The following WDFY3 variants were observed in gnomAD, a reference collection of about 807,000 sequenced individuals.
WDFY3 encodes WD repeat and FYVE domain containing 3.
A neutral mutation model predicts 409.6 loss-of-function variants in WDFY3; 66 were observed. The observed-to-expected ratio is 0.16, with a 90% CI of 0.13 to 0.20. WDFY3 has a LOEUF of 0.20. Ranked by LOEUF, WDFY3 falls within the 10% of genes least tolerant of loss-of-function variation. The pLI is 1.00. For missense variants in WDFY3, 3,031 were observed against 4,298.1 expected (o/e 0.71, Z 8.24); for synonymous variants, 1,521 against 1,537.1 (o/e 0.99, Z 0.25).
intron 40 of WDFY3, 70 bp downstream of exon 40, chr4:84,738,940 G>A: frequency 6.5e-7 from 1 of 1,529,980 alleles, no homozygotes; most frequent in Non-Finnish European, 9.0e-7. Context: ...AAGCCAATTT[G>A]TTGGTTATGT....
At chr4:84,880,721 A>ATATATATG (rs1763413065) in intron 3 of WDFY3, among the ~76,000 whole-genome samples, 1 of 97,510 alleles carries the variant, frequency 1.0e-5, no homozygotes, top group Non-Finnish European at 2.1e-5. Context: ...ATATATATAT[A>ATATATATG]TATATGTTTT....
intron 15 of WDFY3, among the ~76,000 whole-genome samples, chr4:84,806,913 A>C (rs1466089579): frequency 6.6e-6 from 1 of 152,064 alleles, no homozygotes; most frequent in East Asian, 1.9e-4. Context: ...CCTGGCCCTG[A>C]TGTATTTTTT....
intron 26 of WDFY3, among the ~76,000 whole-genome samples, chr4:84,778,910 A>C (rs1462460974): frequency 6.6e-6 from 1 of 152,204 alleles, no homozygotes; most frequent in Non-Finnish European, 1.5e-5. Context: ...TTTTACATTT[A>C]CCCTTTCAAT....
intron 4 of WDFY3, among the ~76,000 whole-genome samples, chr4:84,857,157 AC>A (rs1459009088): frequency 6.6e-6 from 1 of 152,176 alleles, no homozygotes; most frequent in African/African-American, 2.4e-5. Context: ...CATTGCATAC[AC>A]ATATGTTTCT....
chr4:84,809,715 A>C (rs900100178), intron 14 of WDFY3, 172 bp downstream of exon 14: 12 of 586,168 alleles, frequency 2.0e-5, no homozygotes, highest in East Asian at 6.5e-5. Flanking sequence ...AAAAAAAAAA[A>C]AACAATACCA....
chr4:84,892,241 T>G (rs1158351127), intron 3 of WDFY3, among the ~76,000 whole-genome samples: 2 of 151,920 alleles, frequency 1.3e-5, no homozygotes, highest in Non-Finnish European at 2.9e-5. Flanking sequence ...TACATATATA[T>G]ATATTTTTAA....
chr4:84,891,070 C>T (rs1362529190), intron 3 of WDFY3, among the ~76,000 whole-genome samples: 2 of 152,208 alleles, frequency 1.3e-5, no homozygotes, highest in East Asian at 3.9e-4. Context: ...GGTGATAGGC[C>T]AGACTTTGCC....
chr4:84,708,379 A>G (rs1732331743), intron 53 of WDFY3, among the ~76,000 whole-genome samples: 1 of 152,206 alleles, frequency 6.6e-6, no homozygotes, highest in Non-Finnish European at 1.5e-5. Flanking sequence ...AACTGAAGAG[A>G]TATTATGAAT....
At chr4:84,720,248 G>A (rs543761218) in intron 47 of WDFY3, among the ~76,000 whole-genome samples, 2 of 152,110 alleles carry the variant, frequency 1.3e-5, no homozygotes, top group Non-Finnish European at 2.9e-5. Context: ...TATATATAAG[G>A]CATCATGAAA....
intron 62 of WDFY3, among the ~76,000 whole-genome samples, chr4:84,685,386 T>C (rs1396361300): frequency 6.6e-6 from 1 of 152,212 alleles, no homozygotes; most frequent in East Asian, 1.9e-4. Flanking sequence ...GCTCTTCTTC[T>C]ACCAAAATGG....
intron 41 of WDFY3, among the ~76,000 whole-genome samples, 189 bp from the exon 42 acceptor site, chr4:84,736,516 T>C (rs554387621): frequency 1.3e-5 from 2 of 149,704 alleles, no homozygotes; most frequent in Non-Finnish European, 3.0e-5. Context: ...TGCTCGCAAA[T>C]TGTATTAGCT....
At chr4:84,848,074 A>T (rs1331494631) in intron 5 of WDFY3, among the ~76,000 whole-genome samples, 1 of 151,944 alleles carries the variant, frequency 6.6e-6, no homozygotes, top group Non-Finnish European at 1.5e-5. Context: ...CTAGAAGGAG[A>T]AAACAGAGGA....
At chr4:84,701,912 T>C (rs1347469312) in intron 56 of WDFY3, among the ~76,000 whole-genome samples, 1 of 152,244 alleles carries the variant, frequency 6.6e-6, no homozygotes, top group African/African-American at 2.4e-5. Context: ...GTACCACTCT[T>C]AGCTATTAAT....
At chr4:84,825,678 CTG>C (rs1452066039) in intron 10 of WDFY3, among the ~76,000 whole-genome samples, 3 of 151,982 alleles carry the variant, frequency 2.0e-5, no homozygotes, top group African/African-American at 7.3e-5. Context: ...TGATTATAGA[CTG>C]TTAATTTCTA....
At chr4:84,706,602 T>C (rs1731989728) in intron 53 of WDFY3, among the ~76,000 whole-genome samples, 1 of 144,538 alleles carries the variant, frequency 6.9e-6, no homozygotes, top group Non-Finnish European at 1.5e-5. Flanking sequence ...TATAGGGCAG[T>C]GTGGGAATAG....
At chr4:84,964,095 T>C (rs1292491185) in intron 1 of WDFY3, among the ~76,000 whole-genome samples, 1 of 152,184 alleles carries the variant, frequency 6.6e-6, no homozygotes, top group Non-Finnish European at 1.5e-5. Context: ...AGAGTCTTTA[T>C]CTAGGAAAAA....
intron 35 of WDFY3, 24 bp downstream of exon 35, chr4:84,753,673 G>A (rs1740925618): frequency 6.5e-7 from 1 of 1,528,406 alleles, no homozygotes; most frequent in African/African-American, 1.4e-5. Context: ...TTCCAGTTCT[G>A]ACATTTTCCT....
Position 84,678,038 on chromosome 4 carries a change from T to A in WDFY3, c.10259+130A>T, listed in dbSNP as rs1323146542. ...CACTAACAGGGTTCTTCTTCAAATTTATCTCTTTGAGCTACATACGATAAT... is the reference window on the plus strand; with the variant it reads ...CACTAACAGGGTTCTTCTTCAAATTAATCTCTTTGAGCTACATACGATAAT... On this transcript the variant is annotated intron_variant, in intron 66 of 67. Coordinates refer to ENST00000295888, the MANE Select transcript of WDFY3 (RefSeq NM_014991.6). The A allele has an allele frequency of 5.2e-6, 3 of 571,644 alleles. No homozygotes were observed. The African/African-American group carries it at 5.6e-5, about 11-fold the overall frequency. 35.4% of individuals were successfully genotyped at this position (571,644 alleles called of 1,614,324 possible).
chr4:84,704,965 AC>A (rs1731679424), intron 54 of WDFY3, among the ~76,000 whole-genome samples: 1 of 152,214 alleles, frequency 6.6e-6, no homozygotes, highest in African/African-American at 2.4e-5. Context: ...TAAACATTAA[AC>A]ATAATAAATA....
Sources: allele counts gnomAD v4.1 joint callset (sites outside exome capture counted in the v4.1 genomes callset), GRCh38; gene constraint gnomAD v4.1.1; transcripts MANE v1.5; gene names NCBI Gene and HGNC (gene_info 2026-07-23, HGNC 2026-07-21).